Variants in DCC observed in about 807,000 individuals in gnomAD.
DCC encodes the protein DCC netrin 1 receptor, also known as netrin receptor DCC.
A neutral mutation model predicts 172.5 loss-of-function variants in DCC; 58 were observed. The observed-to-expected ratio is 0.34, with a 90% CI of 0.27 to 0.42. The LOEUF (loss-of-function observed/expected upper bound fraction) is 0.42. Ranked by LOEUF, DCC falls within the 10% of genes least tolerant of loss-of-function variation. The pLI, the probability that DCC is intolerant of heterozygous loss-of-function variation, is 1.00. For synonymous variants in DCC, 709 were observed against 644.5 expected, an observed-to-expected ratio of 1.10 and a Z score of -1.52; for missense variants, 1,740 against 1,791.0, an observed-to-expected ratio of 0.97 and a Z score of 0.51.
chr18:53,142,539 C>A (rs910822748), intron 7 of DCC, among the ~76,000 whole-genome samples: 4 of 152,118 alleles, frequency 2.6e-5, no homozygotes, highest in Admixed American at 6.5e-5. Flanking sequence ...CTAGTGCTAA[C>A]CACATTAGCG....
chr18:53,466,292 A>G (rs559285662), intron 24 of DCC, among the ~76,000 whole-genome samples: 153 of 152,192 alleles, frequency 1.0e-3, no homozygotes, highest in African/African-American at 3.7e-3. Context: ...TTTTACCATT[A>G]GGGTGCACTT....
At chr18:52,745,892 G>C (rs767511868) in intron 1 of DCC, among the ~76,000 whole-genome samples, 1 of 152,204 alleles carries the variant, frequency 6.6e-6, no homozygotes, top group Non-Finnish European at 1.5e-5. Flanking sequence ...TCTAGGGACT[G>C]TACTTTGAGA....
intron 12 of DCC, among the ~76,000 whole-genome samples, chr18:53,286,912 G>T (rs1487611714): frequency 6.6e-6 from 1 of 151,890 alleles, no homozygotes; most frequent in African/African-American, 2.4e-5. Flanking sequence ...AACAAGACTG[G>T]CAATATACTG....
At chr18:52,376,433 A>C (rs1985348794) in intron 1 of DCC, among the ~76,000 whole-genome samples, 1 of 152,152 alleles carries the variant, frequency 6.6e-6, no homozygotes, top group African/African-American at 2.4e-5. Context: ...TTGTGTAGCC[A>C]AGAATAGAAA....
intron 5 of DCC, among the ~76,000 whole-genome samples, chr18:53,029,138 G>A (rs2041995040): frequency 6.6e-6 from 1 of 151,802 alleles, no homozygotes. Flanking sequence ...GCCATATTTT[G>A]TCTTTACAAT....
At chr18:52,769,794 T>C (rs1247493351) in intron 2 of DCC, among the ~76,000 whole-genome samples, 2 of 152,346 alleles carry the variant, frequency 1.3e-5, no homozygotes, top group East Asian at 1.9e-4. Flanking sequence ...ATTATTTTTC[T>C]TTTGCATGAT....
intron 11 of DCC, among the ~76,000 whole-genome samples, chr18:53,208,945 G>C (rs2055702944): frequency 6.6e-6 from 1 of 152,084 alleles, no homozygotes; most frequent in South Asian, 2.1e-4. Flanking sequence ...TGAGCAGGCT[G>C]GTCTGGAACT....
intron 19 of DCC, among the ~76,000 whole-genome samples, chr18:53,409,665 A>G (rs1909870475): frequency 6.6e-6 from 1 of 152,180 alleles, no homozygotes; most frequent in Admixed American, 6.5e-5. Context: ...TGCATATTAG[A>G]CTATCATGAC....
At chr18:52,343,831 C>A (rs986065312) in intron 1 of DCC, among the ~76,000 whole-genome samples, 2 of 152,326 alleles carry the variant, frequency 1.3e-5, no homozygotes, top group Middle Eastern at 3.4e-3. Context: ...CCAACCAAAG[C>A]AGATCAGATG....
intron 27 of DCC, among the ~76,000 whole-genome samples, chr18:53,504,870 C>T (rs953435526): frequency 3.9e-5 from 6 of 152,126 alleles, no homozygotes. Context: ...CCAAGGTCAA[C>T]AATTGAGGTG....
At chr18:52,802,683 T>TTTTTTTTG (rs1598817767) in intron 2 of DCC, among the ~76,000 whole-genome samples, 1 of 110,578 alleles carries the variant, frequency 9.0e-6, no homozygotes, top group African/African-American at 3.8e-5. Flanking sequence ...TTTTTTTTTT[T>TTTTTTTTG]AATGGAGACA....
At chr18:52,517,031 C>G (rs1315890041) in intron 1 of DCC, among the ~76,000 whole-genome samples, 1 of 152,134 alleles carries the variant, frequency 6.6e-6, no homozygotes, top group African/African-American at 2.4e-5. Context: ...ATGCTGAAAA[C>G]AGTAAACAAA....
At chr18:52,364,705 T>C (rs1479416465) in intron 1 of DCC, among the ~76,000 whole-genome samples, 1 of 152,238 alleles carries the variant, frequency 6.6e-6, no homozygotes, top group African/African-American at 2.4e-5. Flanking sequence ...TCTGTTCTAC[T>C]CTTCTCACCT....
intron 1 of DCC, among the ~76,000 whole-genome samples, chr18:52,496,380 C>T (rs555074557): frequency 5.9e-5 from 9 of 152,084 alleles, no homozygotes; most frequent in African/African-American, 1.9e-4. Flanking sequence ...ACATGTTTTC[C>T]CATGTACTTT....
intron 1 of DCC, among the ~76,000 whole-genome samples, chr18:52,702,446 A>G (rs1489657784): frequency 6.6e-6 from 1 of 152,134 alleles, no homozygotes; most frequent in Non-Finnish European, 1.5e-5. Flanking sequence ...TACACCCCTG[A>G]GTATGGTTCT....
intron 1 of DCC, among the ~76,000 whole-genome samples, chr18:52,641,979 TCAA>T (rs2034900289): frequency 1.4e-5 from 2 of 146,726 alleles, no homozygotes; most frequent in Non-Finnish European, 3.0e-5. Flanking sequence ...TGCCCATCCA[TCAA>T]CAAGTGGATA....
At chr18:52,433,528 TG>T (rs1207094534) in intron 1 of DCC, among the ~76,000 whole-genome samples, 4 of 152,302 alleles carry the variant, frequency 2.6e-5, no homozygotes, top group Admixed American at 1.3e-4. Flanking sequence ...AATAATGAAT[TG>T]TTTTTTATAT....
intron 5 of DCC, among the ~76,000 whole-genome samples, chr18:53,061,348 G>A (rs2042492328): frequency 6.6e-6 from 1 of 151,842 alleles, no homozygotes; most frequent in East Asian, 1.9e-4. Context: ...CTCTCTGTGT[G>A]TGTGTTTGTA....
At chr18:52,639,834 G>T (rs1379325015) in intron 1 of DCC, among the ~76,000 whole-genome samples, 1 of 152,066 alleles carries the variant, frequency 6.6e-6, no homozygotes, top group Non-Finnish European at 1.5e-5. Context: ...ACAAGATAGA[G>T]AAAGAAGAAA....
Sources: allele counts gnomAD v4.1 joint callset (sites outside exome capture counted in the v4.1 genomes callset), GRCh38; gene constraint gnomAD v4.1.1; transcripts MANE v1.5; gene names NCBI Gene and HGNC (gene_info 2026-07-23, HGNC 2026-07-21).